The following OTULINL variants were observed in gnomAD, a reference collection of about 807,000 sequenced individuals.
The protein encoded by OTULINL is OTU deubiquitinase with linear linkage specificity like.
Under a neutral mutation model 43.9 loss-of-function variants are expected in OTULINL, and 42 were observed. The ratio of observed to expected loss-of-function variants is 0.96; its 90% CI spans 0.75 to 1.24. The LOEUF (loss-of-function observed/expected upper bound fraction) is 1.24. Ranked by LOEUF, OTULINL falls within the 50% of genes most tolerant of loss-of-function variation. The pLI, the probability that OTULINL is intolerant of heterozygous loss-of-function variation, is 0.00. For synonymous variants in OTULINL, 172 were observed against 153.6 expected (o/e 1.12, Z -0.88); for missense variants, 411 against 426.4 (o/e 0.96, Z 0.32).
chr5:14,592,733 G>T (rs141214638), intron 1 of OTULINL, among the ~76,000 whole-genome samples: 1,828 of 152,278 alleles, frequency 0.012, 34 homozygotes, highest in African/African-American at 0.042. Flanking sequence ...AATCAGACTG[G>T]TTCTTCATAA....
chr5:14,594,136 G>C (rs1306936992), intron 1 of OTULINL, among the ~76,000 whole-genome samples: 6 of 152,092 alleles, frequency 3.9e-5, no homozygotes, highest in African/African-American at 7.2e-5. Flanking sequence ...CCCGTAACTG[G>C]TAGAAAAACA....
Position 14,600,990 on chromosome 5 carries a change from G to A in OTULINL, c.90G>A (p.Met30Ile), listed in dbSNP as rs1473887906. Residue 30 changes from methionine (M) to isoleucine (I), a missense_variant, in exon 2 of 8, where the codon ATG (methionine) becomes ATA (isoleucine). Coordinates refer to ENST00000274217, the MANE Select transcript of OTULINL (RefSeq NM_019018.3). ...AAGSDQVHSWMLATSQALDTV... is the reference protein window; with the variant it reads ...AAGSDQVHSWILATSQALDTV... Reference sequence around the variant, plus strand: ...GAAGTGACCAAGTTCACTCCTGGATGCTAGCTACAAGCCAAGCCTTAGACA... The same window carrying A: ...GAAGTGACCAAGTTCACTCCTGGATACTAGCTACAAGCCAAGCCTTAGACA... 6.6e-7 allele frequency: 1 copy of A among 1,507,420 alleles called. No homozygotes were observed. Among genetic ancestry groups the A allele is most frequent in the East Asian group, 2.4e-5 (1 of 41,386 alleles). 93.4% of individuals were successfully genotyped at this position (1,507,420 alleles called of 1,614,324 possible). A position where few individuals can be genotyped will look rare whatever the true frequency, so the allele number is the denominator to read the frequency against.
rs544437384 is a variant in OTULINL at position 14,602,590 on chromosome 5, C to T, written c.498+258C>T. Among the ~76,000 whole-genome samples the T allele has an allele frequency of 5.9e-5, 9 of 152,212 alleles. No individual in the cohort carries two copies. In the East Asian group the frequency reaches 7.7e-4, roughly 13 times the overall value. On this transcript the variant is annotated intron_variant, in intron 5 of 7. Transcript: ENST00000274217. ...AGCTGGGACCACAGGTGCATGCCAC[C>T]ACGCCCATGTAATTTCTGTATTTTT...
At position 14,594,638 on chromosome 5, in the gene OTULINL, G is replaced by A. The variant is rs1202460060; in HGVS notation, c.65-6327G>A. ...AGTGTGAGGAATTGGTGAGGGGTCT[G>A]GGGAAGGGAGCGGGCAGCCCTTCCC... On this transcript the variant is annotated intron_variant, in intron 1 of 7. Transcript: ENST00000274217. Among the ~76,000 whole-genome samples, 4 of 152,168 alleles carry A rather than the reference G, an allele frequency of 2.6e-5. No homozygotes were observed. The East Asian group carries it at 5.8e-4, about 22-fold the overall frequency.
chr5:14,604,209 A>G (rs950999640), intron 5 of OTULINL, among the ~76,000 whole-genome samples: 3 of 152,122 alleles, frequency 2.0e-5, no homozygotes, highest in African/African-American at 7.2e-5. Flanking sequence ...GGTCATGCCT[A>G]TGGTCATAGT....
At position 14,616,167 on chromosome 5, in the gene OTULINL, T is replaced by C. The variant is rs527659319; in HGVS notation, c.*5853T>C. Among the ~76,000 whole-genome samples the C allele has an allele frequency of 9.2e-5, 14 of 152,358 alleles. No homozygotes were observed. Among genetic ancestry groups the C allele is most frequent in the Admixed American group, 2.6e-4 (4 of 15,306 alleles). On this transcript the variant is annotated 3_prime_UTR_variant, in exon 8 of 8. Coordinates refer to ENST00000274217, the MANE Select transcript of OTULINL (RefSeq NM_019018.3). ...TGTGGTAATAAAGACTTCTACACTT[T>C]AGTAGCACTAAAATACGAGTTTCAG...
chr5:14,599,849 A>C (rs143549743), intron 1 of OTULINL, among the ~76,000 whole-genome samples: 3 of 152,352 alleles, frequency 2.0e-5, no homozygotes, highest in African/African-American at 7.2e-5. Context: ...CAAATCAGGA[A>C]TCACAGTGTA....
At chr5:14,584,586 G>A (rs152619) in intron 1 of OTULINL, among the ~76,000 whole-genome samples, 52,471 of 151,898 alleles carry the variant, frequency 0.35, 9,925 homozygotes, top group African/African-American at 0.52. Flanking sequence ...TTTATTACAC[G>A]GAAAATGCTT....
chr5:14,609,531 G>T lies in OTULINL; in HGVS notation c.897+514G>T, dbSNP rs548638272. Among the ~76,000 whole-genome samples, 296 of 151,812 alleles carry T rather than the reference G, an allele frequency of 1.9e-3. 4 individuals are homozygous for T. Among genetic ancestry groups the T allele is most frequent in the African/African-American group, 6.5e-3 (271 of 41,438 alleles). On this transcript the variant is annotated intron_variant, in intron 7 of 7. Coordinates refer to ENST00000274217, the MANE Select transcript of OTULINL (RefSeq NM_019018.3). ...TAAAATGATATAAAACTGATTGAAT[G>T]ATATAAAACTGATTGGAAAATAATG...
Position 14,613,790 on chromosome 5 carries a change from A to AG in OTULINL, c.*3478dup, listed in dbSNP as rs1759622703. Among the ~76,000 whole-genome samples the AG allele has an allele frequency of 6.6e-6, 1 of 152,182 alleles. No homozygotes were observed. The highest frequency in any genetic ancestry group is 1.5e-5 in the Non-Finnish European group (1 of 68,024). ...GGAGACCTCCAGACTAAGCTGGTGGAGGATGGGCTCAACCTCCATGAGAGA... is the reference window on the plus strand; with the variant it reads ...GGAGACCTCCAGACTAAGCTGGTGGAGGGATGGGCTCAACCTCCATGAGAGA... On this transcript the variant is annotated 3_prime_UTR_variant, in exon 8 of 8. Coordinates refer to ENST00000274217, the MANE Select transcript of OTULINL (RefSeq NM_019018.3).
intron 1 of OTULINL, among the ~76,000 whole-genome samples, chr5:14,588,414 C>G (rs1759144056): frequency 6.6e-6 from 1 of 152,054 alleles, no homozygotes; most frequent in African/African-American, 2.4e-5. Context: ...ACCTTGAAAC[C>G]ATCCTACTAG....
At chr5:14,586,908 T>C (rs1160271417) in intron 1 of OTULINL, among the ~76,000 whole-genome samples, 1 of 151,286 alleles carries the variant, frequency 6.6e-6, no homozygotes, top group Admixed American at 6.6e-5. Context: ...CTCCCTGTCC[T>C]GTACCCACGA....
chr5:14,594,874 T>C (rs1441394811), intron 1 of OTULINL, among the ~76,000 whole-genome samples: 1 of 151,950 alleles, frequency 6.6e-6, no homozygotes, highest in Non-Finnish European at 1.5e-5. Flanking sequence ...TTCCTACCTC[T>C]CTTGCCACAG....
rs1240273699 is a variant in OTULINL at position 14,581,925 on chromosome 5, A to AGGGAGC, written c.40_45dup (p.Glu14_Arg15dup). The AGGGAGC allele has an allele frequency of 2.0e-5, 28 of 1,401,038 alleles. No homozygotes were observed. Among genetic ancestry groups the AGGGAGC allele is most frequent in the Non-Finnish European group, 2.5e-5 (27 of 1,077,754 alleles). The allele number at this position is 1,401,038 out of a possible 1,614,324, so 86.8% of individuals were successfully genotyped here. On this transcript the variant is annotated inframe_insertion, in exon 1 of 8. Transcript: ENST00000274217. Reference sequence around the variant, plus strand: ...GGCGACAAGGAGCCCCACGCGGGCAAGGGAGCGGGAGCGGTCTGGCGCTCC... The same window carrying AGGGAGC: ...GGCGACAAGGAGCCCCACGCGGGCAAGGGAGCGGGAGCGGGAGCGGTCTGGCGCTCC...
intron 1 of OTULINL, among the ~76,000 whole-genome samples, chr5:14,594,231 G>C (rs1759250729): frequency 6.6e-6 from 1 of 152,174 alleles, no homozygotes; most frequent in Non-Finnish European, 1.5e-5. Context: ...GAAATCTCTT[G>C]AATCTCCATG....
intron 6 of OTULINL, 72 bp from the exon 7 acceptor site, chr5:14,608,675 AC>A: frequency 8.6e-7 from 1 of 1,157,962 alleles, no homozygotes; most frequent in Non-Finnish European, 1.2e-6. Flanking sequence ...TTTTATAAAT[AC>A]ATTAAAAGTT....
At chr5:14,595,429 A>AG (rs1759268970) in intron 1 of OTULINL, among the ~76,000 whole-genome samples, 1 of 152,204 alleles carries the variant, frequency 6.6e-6, no homozygotes, top group Admixed American at 6.5e-5. Flanking sequence ...CCAGGACAGT[A>AG]GGAGCCTCAG....
At chr5:14,589,952 A>G (rs553724176) in intron 1 of OTULINL, among the ~76,000 whole-genome samples, 2 of 151,720 alleles carry the variant, frequency 1.3e-5, no homozygotes, top group African/African-American at 2.4e-5. Context: ...AAAAAAAAAA[A>G]TTTTTTTTCA....
chr5:14,586,934 C>G (rs534762521), intron 1 of OTULINL, among the ~76,000 whole-genome samples: 4 of 151,836 alleles, frequency 2.6e-5, no homozygotes, highest in Admixed American at 2.0e-4. Context: ...GAGATGAGCT[C>G]TCATCTCTTT....
Sources: gnomAD v4.1 joint callset for allele counts (sites outside exome capture counted in the v4.1 genomes callset) on GRCh38, gnomAD v4.1.1 for gene constraint, MANE v1.5 for transcripts, NCBI Gene and HGNC (gene_info 2026-07-23, HGNC 2026-07-21) for gene names.